Variants in MAST2 observed in about 807,000 individuals in gnomAD.
MAST2 encodes microtubule associated serine/threonine kinase 2.
A neutral mutation model predicts 147.4 loss-of-function variants in MAST2; 70 were observed. The ratio of observed to expected loss-of-function variants is 0.47; its 90% CI spans 0.39 to 0.58. The LOEUF (loss-of-function observed/expected upper bound fraction) is 0.58, where lower values mean the gene tolerates loss of function less well. MAST2 is among the 20% of genes least tolerant of loss of function. The pLI is 0.00. For synonymous variants in MAST2, 869 were observed against 896.8 expected, an observed-to-expected ratio of 0.97 and a Z score of 0.55; for missense variants, 2,080 against 2,302.3, an observed-to-expected ratio of 0.90 and a Z score of 1.98.
chr1:45,912,626 A>G (rs1651853886), intron 4 of MAST2, among the ~76,000 whole-genome samples: 1 of 152,214 alleles, frequency 6.6e-6, no homozygotes, highest in Non-Finnish European at 1.5e-5. Flanking sequence ...ATCTAGGTGA[A>G]TGAGAGAAGC....
intron 1 of MAST2, among the ~76,000 whole-genome samples, chr1:45,816,692 A>T (rs1268629766): frequency 3.3e-5 from 5 of 152,014 alleles, no homozygotes; most frequent in African/African-American, 9.7e-5. Context: ...TTATTTATTT[A>T]TTTTTTGAGA....
At chr1:45,888,968 G>T (rs2148375721) in intron 4 of MAST2, among the ~76,000 whole-genome samples, 1 of 152,008 alleles carries the variant, frequency 6.6e-6, no homozygotes, top group East Asian at 1.9e-4. Flanking sequence ...GAGCCACTGT[G>T]CCCGGCTGGT....
At chr1:45,921,707 C>T (rs922640160) in intron 4 of MAST2, among the ~76,000 whole-genome samples, 2 of 152,178 alleles carry the variant, frequency 1.3e-5, no homozygotes, top group African/African-American at 4.8e-5. Flanking sequence ...TTAGGAGCCA[C>T]CAGGCCCCAA....
intron 4 of MAST2, among the ~76,000 whole-genome samples, chr1:45,954,439 G>A (rs1659374481): frequency 6.6e-6 from 1 of 152,136 alleles, no homozygotes; most frequent in South Asian, 2.1e-4. Context: ...CCATGGCGAG[G>A]TATGTAAGAA....
intron 5 of MAST2, among the ~76,000 whole-genome samples, chr1:45,965,305 TGTTGACAGTGGGGTGTTAAA>T (rs1285625135): frequency 1.3e-5 from 2 of 152,234 alleles, no homozygotes; most frequent in Non-Finnish European, 2.9e-5. Context: ...ATCTGTCTAA[TGTTGACAGTGGGGTGTTAAA>T]GTCTCCCATT....
At chr1:45,959,561 T>C (rs2148909272) in intron 5 of MAST2, 84 bp downstream of exon 5, 1 of 1,099,818 alleles carries the variant, frequency 9.1e-7, no homozygotes, top group African/African-American at 1.5e-5. Context: ...TGTTGTGCAG[T>C]TCCGTATATT....
intron 3 of MAST2, among the ~76,000 whole-genome samples, chr1:45,850,363 G>A (rs1645585551): frequency 6.6e-6 from 1 of 152,072 alleles, no homozygotes; most frequent in Non-Finnish European, 1.5e-5. Context: ...CAGATGCATA[G>A]TTTGCAAATA....
At position 46,023,657 on chromosome 1, in the gene MAST2, C is replaced by T. The variant is rs1208738401; in HGVS notation, c.1572-115C>T. On this transcript the variant is annotated intron_variant, in intron 14 of 28. Transcript: ENST00000361297. The surrounding 1 kb of genome is among the most constrained non-coding windows in gnomAD (Gnocchi z 4.9). ...GACCCTTCTCACTGATATGCATGCC[C>T]TTGCCCCCTTGTTCTGTGCATTAAT... is the stretch of plus-strand genomic sequence containing the variant. The T allele has an allele frequency of 2.2e-6, 2 of 927,830 alleles. No homozygotes were observed. Among genetic ancestry groups the T allele is most frequent in the Non-Finnish European group, 3.3e-6 (2 of 604,150 alleles). 57.5% of individuals were successfully genotyped at this position (927,830 alleles called of 1,614,324 possible).
chr1:45,867,318 G>A (rs930692886), intron 3 of MAST2, among the ~76,000 whole-genome samples: 10 of 152,164 alleles, frequency 6.6e-5, no homozygotes, highest in African/African-American at 2.4e-4. Context: ...ATTTGGCTTC[G>A]CTAATTGCTT....
intron 4 of MAST2, among the ~76,000 whole-genome samples, chr1:45,952,628 A>G (rs1037073256): frequency 6.6e-6 from 1 of 152,198 alleles, no homozygotes; most frequent in East Asian, 1.9e-4. Flanking sequence ...GCTAAGAGTA[A>G]GCTTTTCAAC....
intron 10 of MAST2, among the ~76,000 whole-genome samples, chr1:46,014,230 T>C (rs951197873): frequency 6.6e-6 from 1 of 151,900 alleles, no homozygotes; most frequent in Non-Finnish European, 1.5e-5. Context: ...AATGTGCAGG[T>C]TAGTTACATA....
At chr1:45,813,454 C>G (rs1480382311) in intron 1 of MAST2, among the ~76,000 whole-genome samples, 1 of 151,336 alleles carries the variant, frequency 6.6e-6, no homozygotes, top group Non-Finnish European at 1.5e-5. Flanking sequence ...CTCAGCCTCC[C>G]AAGTAACTAG....
At chr1:46,022,234 T>C in intron 12 of MAST2, 152 bp downstream of exon 12, 1 of 945,238 alleles carries the variant, frequency 1.1e-6, no homozygotes, top group South Asian at 1.7e-5. Context: ...CTGTGATCTC[T>C]GTGACAAAAC....
In MAST2 at chr1:45,967,651, C is replaced by G. The variant is rs371912124; in HGVS notation, c.592+8174C>G. Among the ~76,000 whole-genome samples, 8 of 152,060 alleles carry G rather than the reference C, an allele frequency of 5.3e-5. No homozygotes were observed. The East Asian group carries it at 1.2e-3, about 22-fold the overall frequency. On this transcript the variant is annotated intron_variant, in intron 5 of 28. Coordinates refer to ENST00000361297, the MANE Select transcript of MAST2 (RefSeq NM_015112.3). ...TGAGGAAGATTAAGGATTAGTCTTG[C>G]TATGTCAGGAGTGGCAGAGGCAGAA...
intron 4 of MAST2, among the ~76,000 whole-genome samples, chr1:45,890,971 A>T (rs1402874020): frequency 4.6e-5 from 7 of 152,246 alleles, no homozygotes; most frequent in Non-Finnish European, 7.3e-5. Flanking sequence ...ATTGATTTTT[A>T]AAAAATAAGC....
chr1:45,822,081 G>A (rs933886751), intron 1 of MAST2, among the ~76,000 whole-genome samples: 1 of 151,530 alleles, frequency 6.6e-6, no homozygotes, highest in African/African-American at 2.4e-5. Context: ...TAGAGATGGG[G>A]TTTTGCCATG....
chr1:45,945,522 T>A (rs1421578236), intron 4 of MAST2, among the ~76,000 whole-genome samples: 1 of 152,158 alleles, frequency 6.6e-6, no homozygotes, highest in African/African-American at 2.4e-5. Context: ...TCTAATCTTT[T>A]CTGCTATGGA....
chr1:45,896,926 C>CA (rs1403202455), intron 4 of MAST2, among the ~76,000 whole-genome samples: 1 of 152,188 alleles, frequency 6.6e-6, no homozygotes, highest in Non-Finnish European at 1.5e-5. Flanking sequence ...GTTCCAAAAG[C>CA]AGGATTGGCC....
At position 45,959,390 on chromosome 1, in the gene MAST2, C is replaced by T. The variant is rs142661646; in HGVS notation, c.505C>T (p.Arg169Trp). ...CATATTTTGTTTTCATTGCAGTTGTCGGACAAGTAACCGCAAGAGCTTGAT... is the reference window on the plus strand; with the variant it reads ...CATATTTTGTTTTCATTGCAGTTGTTGGACAAGTAACCGCAAGAGCTTGAT... ...LSLPRRGSFC[R>W]TSNRKSLIVT... Residue 169 changes from arginine (R) to tryptophan (W), a missense_variant, in exon 5 of 29, where the codon CGG (arginine) becomes TGG (tryptophan). Arg to Trp is a moderately radical substitution (Grantham distance 101). Coordinates refer to ENST00000361297, the MANE Select transcript of MAST2 (RefSeq NM_015112.3). The T allele has an allele frequency of 5.4e-4, 873 of 1,613,160 alleles. 5 individuals are homozygous for T. In the African/African-American group the frequency reaches 0.01, roughly 19 times the overall value.
Sources: gnomAD v4.1 joint callset for allele counts (sites outside exome capture counted in the v4.1 genomes callset) on GRCh38, gnomAD v4.1.1 for gene constraint, Gnocchi (gnomAD v3.1) non-coding constraint, MANE v1.5 for transcripts, NCBI Gene and HGNC (gene_info 2026-07-23, HGNC 2026-07-21) for gene names.